Variants in LRRC38 observed in about 807,000 individuals in gnomAD.
LRRC38 encodes the protein leucine-rich repeat-containing protein 38.
In LRRC38, 5 loss-of-function variants were observed where a neutral mutation model predicts 16.4. The ratio of observed to expected loss-of-function variants is 0.31; its 90% CI spans 0.16 to 0.64. The LOEUF is 0.64. Among genes scored for constraint, LRRC38 ranks in the 30% least tolerant of loss-of-function variants. LRRC38 has a pLI of 0.80. For synonymous variants in LRRC38, 191 were observed against 190.2 expected (o/e 1.00, Z -0.04); for missense variants, 341 against 401.8 (o/e 0.85, Z 1.29).
At chr1:13,488,413 A>G (rs1302145771) in intron 1 of LRRC38, among the ~76,000 whole-genome samples, 1 of 152,030 alleles carries the variant, frequency 6.6e-6, no homozygotes, top group Non-Finnish European at 1.5e-5. Context: ...CTGGAATTAC[A>G]GGCACTTGCC....
chr1:13,512,922 C>CCCCCCCCCCCA, intron 1 of LRRC38, 41 bp downstream of exon 1: 1 of 1,218,340 alleles, frequency 8.2e-7, no homozygotes. Flanking sequence ...CCTCTCCCTG[C>CCCCCCCCCCCA]CCCCCTCCCT....
Position 13,495,046 on chromosome 1 carries a change from G to A in LRRC38, c.631+17917C>T, listed in dbSNP as rs144636296. 1.2e-3 allele frequency among the ~76,000 whole-genome samples: 188 copies of A among 152,346 alleles called. 1 individual carries two copies. The highest frequency in any genetic ancestry group is 4.4e-3 in the African/African-American group (181 of 41,592). On this transcript the variant is annotated intron_variant, in intron 1 of 1. Coordinates refer to ENST00000376085, the MANE Select transcript of LRRC38 (RefSeq NM_001010847.2). ...TGGCTCAGCCTAAAGCAGGAGCCAT[G>A]GACACAAGGGGGTGGGGATAGATAT...
chr1:13,505,573 G>A (rs1023270721), intron 1 of LRRC38, among the ~76,000 whole-genome samples: 12 of 152,190 alleles, frequency 7.9e-5, no homozygotes, highest in African/African-American at 1.9e-4. Context: ...CGCAGGGTGC[G>A]GCTGACAGCA....
At chr1:13,498,156 C>T (rs1281522006) in intron 1 of LRRC38, among the ~76,000 whole-genome samples, 1 of 151,368 alleles carries the variant, frequency 6.6e-6, no homozygotes, top group Non-Finnish European at 1.5e-5. Flanking sequence ...TGGAATCGAG[C>T]AGATAATTGA....
intron 1 of LRRC38, among the ~76,000 whole-genome samples, chr1:13,511,198 G>A (rs1004689555): frequency 2.0e-5 from 3 of 152,114 alleles, no homozygotes; most frequent in African/African-American, 4.8e-5. Flanking sequence ...TCCATTGCTC[G>A]TTACTTTCAC....
At chr1:13,498,492 G>A (rs1311715747) in intron 1 of LRRC38, among the ~76,000 whole-genome samples, 6 of 152,100 alleles carry the variant, frequency 3.9e-5, no homozygotes, top group African/African-American at 1.4e-4. Context: ...TTACCCAGGC[G>A]TGGTGGTGCA....
intron 1 of LRRC38, among the ~76,000 whole-genome samples, chr1:13,481,186 A>G (rs1381780451): frequency 6.6e-6 from 1 of 151,978 alleles, no homozygotes; most frequent in Non-Finnish European, 1.5e-5. Context: ...ATCTCGACTC[A>G]CCACAACCTC....
intron 1 of LRRC38, among the ~76,000 whole-genome samples, chr1:13,507,359 G>A (rs929167218): frequency 2.0e-5 from 3 of 152,186 alleles, no homozygotes; most frequent in African/African-American, 7.2e-5. Context: ...GCAGGACAGA[G>A]GTCACTTGCA....
rs1224279273 is a variant in LRRC38, at chr1:13,476,066, T to C, written c.665A>G (p.Glu222Gly). The C allele has an allele frequency of 6.5e-7, 1 of 1,550,378 alleles. No individual in the cohort carries two copies. The highest frequency in any genetic ancestry group is 1.2e-5 in the South Asian group (1 of 84,040). The part of the protein sequence containing the change: ...LDEIQCSLPM[E>G]SRRISLRELS... ...CTCACGCAGGGATATCCTCCTGCTC[T>C]CCATGGGCAGGGAGCACTGGATTTC... The change falls in exon 2 of 2, where the codon GAG (glutamate) becomes GGG (glycine). Residue 222 changes from glutamate (E) to glycine (G), a missense_variant. By Grantham distance (98) the Glu-to-Gly change is moderately conservative. Coordinates refer to ENST00000376085, the MANE Select transcript of LRRC38 (RefSeq NM_001010847.2).
At chr1:13,505,109 C>T (rs1258611811) in intron 1 of LRRC38, among the ~76,000 whole-genome samples, 5 of 152,162 alleles carry the variant, frequency 3.3e-5, no homozygotes, top group African/African-American at 9.7e-5. Context: ...CAAAGCTGTC[C>T]GATTCAGCTG....
In LRRC38 at chr1:13,513,139, T is replaced by A; in HGVS notation, c.455A>T (p.Glu152Val). Reference protein sequence around the residue: ...GVHEDAFETLESLQVLELNDN... With the variant: ...GVHEDAFETLVSLQVLELNDN... ...GTTGAGCTCCAGCACCTGCAGCGAC[T>A]CCAGGGTCTCGAAGGCGTCCTCGTG... The change falls in exon 1 of 2, where the codon GAG (glutamate) becomes GTG (valine). Residue 152 changes from glutamate (E) to valine (V), a missense_variant. Transcript: ENST00000376085. The A allele has an allele frequency of 1.3e-6, 2 of 1,550,392 alleles. No homozygotes were observed. Among genetic ancestry groups the A allele is most frequent in the African/African-American group, 1.4e-5 (1 of 73,130 alleles).
chr1:13,476,716 C>G (rs1181698374), intron 1 of LRRC38, among the ~76,000 whole-genome samples: 2 of 152,106 alleles, frequency 1.3e-5, no homozygotes, highest in Non-Finnish European at 2.9e-5. Context: ...ATCTGTAGAC[C>G]CTAATCCAGA....
intron 1 of LRRC38, among the ~76,000 whole-genome samples, chr1:13,504,798 G>A (rs1639191704): frequency 1.5e-5 from 2 of 137,842 alleles, no homozygotes; most frequent in African/African-American, 2.8e-5. Flanking sequence ...AGAAAGAAGA[G>A]ACAGAGAGAA....
chr1:13,491,747 C>T (rs573257932), intron 1 of LRRC38, among the ~76,000 whole-genome samples: 1 of 152,268 alleles, frequency 6.6e-6, no homozygotes, highest in East Asian at 1.9e-4. Context: ...GACATCTCGG[C>T]TCACTGCAAC....
At chr1:13,477,091 C>T (rs533468914) in intron 1 of LRRC38, among the ~76,000 whole-genome samples, 3 of 151,898 alleles carry the variant, frequency 2.0e-5, no homozygotes, top group African/African-American at 2.4e-5. Context: ...GGCGACAGAG[C>T]GAGACTCCAT....
chr1:13,491,114 C>T (rs1031182041), intron 1 of LRRC38, among the ~76,000 whole-genome samples: 7 of 152,146 alleles, frequency 4.6e-5, no homozygotes, highest in East Asian at 3.8e-4. Context: ...TCTTGCCCAT[C>T]GGGGGATTTG....
intron 1 of LRRC38, among the ~76,000 whole-genome samples, chr1:13,503,966 C>T (rs1348599207): frequency 6.6e-6 from 1 of 152,122 alleles, no homozygotes; most frequent in Non-Finnish European, 1.5e-5. Flanking sequence ...GTGCAAGAGC[C>T]GGCCAAGAGC....
chr1:13,495,885 A>G (rs773774049), intron 1 of LRRC38, among the ~76,000 whole-genome samples: 1 of 152,174 alleles, frequency 6.6e-6, no homozygotes, highest in Non-Finnish European at 1.5e-5. Context: ...ACAGCCCCTC[A>G]GGTGCCTGCA....
intron 1 of LRRC38, among the ~76,000 whole-genome samples, chr1:13,497,544 C>T (rs1639094315): frequency 6.6e-6 from 1 of 152,058 alleles, no homozygotes; most frequent in Non-Finnish European, 1.5e-5. Flanking sequence ...TGGTGACCAA[C>T]TTACATTAAC....
Sources: gnomAD v4.1 joint callset for allele counts (sites outside exome capture counted in the v4.1 genomes callset) on GRCh38, gnomAD v4.1.1 for gene constraint, MANE v1.5 for transcripts, NCBI Gene and HGNC (gene_info 2026-07-23, HGNC 2026-07-21) for gene names.